Variants in ANKS1B observed in about 807,000 individuals in gnomAD.
ANKS1B encodes ankyrin repeat and sterile alpha motif domain-containing protein 1B.
A neutral mutation model predicts 148.3 loss-of-function variants in ANKS1B; 36 were observed. The ratio of observed to expected loss-of-function variants is 0.24; its 90% CI spans 0.19 to 0.32. The LOEUF is 0.32. Ranked by LOEUF, ANKS1B falls within the 10% of genes least tolerant of loss-of-function variation. The pLI is 1.00. For missense variants in ANKS1B, 1,157 were observed against 1,542.6 expected, an observed-to-expected ratio of 0.75 and a Z score of 4.19; for synonymous variants, 542 against 560.8, an observed-to-expected ratio of 0.97 and a Z score of 0.47.
chr12:99,273,014 C>A (rs59566177), intron 12 of ANKS1B, among the ~76,000 whole-genome samples: 2 of 152,142 alleles, frequency 1.3e-5, no homozygotes, highest in South Asian at 4.1e-4. Flanking sequence ...ATAGGATAAC[C>A]TCTACAGATA....
chr12:99,835,103 C>A (rs1253971962), intron 1 of ANKS1B, among the ~76,000 whole-genome samples: 11 of 151,836 alleles, frequency 7.2e-5, no homozygotes, highest in Non-Finnish European at 4.4e-5. Context: ...TCTATATCAG[C>A]ACTGTCCTTT....
At chr12:98,935,939 A>C (rs2152987889) in intron 17 of ANKS1B, among the ~76,000 whole-genome samples, 1 of 152,340 alleles carries the variant, frequency 6.6e-6, no homozygotes, top group East Asian at 1.9e-4. Context: ...ATTGTGTATA[A>C]AAAAGTTAGT....
intron 14 of ANKS1B, among the ~76,000 whole-genome samples, chr12:99,240,429 G>A (rs1384735480): frequency 3.9e-5 from 6 of 152,040 alleles, no homozygotes; most frequent in Non-Finnish European, 7.4e-5. Context: ...CTTAGAGACC[G>A]ACAAAGAGAC....
At chr12:98,803,506 G>A (rs1226323923) in intron 20 of ANKS1B, among the ~76,000 whole-genome samples, 1 of 152,198 alleles carries the variant, frequency 6.6e-6, no homozygotes, top group African/African-American at 2.4e-5. Context: ...TACAAAAGGA[G>A]GATCTGGATG....
chr12:99,680,433 C>CAA (rs199819732), intron 8 of ANKS1B, among the ~76,000 whole-genome samples: 82 of 143,552 alleles, frequency 5.7e-4, no homozygotes, highest in African/African-American at 1.6e-3. Flanking sequence ...AAGACTCTGT[C>CAA]AAAAAAAAAA....
At chr12:99,434,870 A>G (rs1371868355) in intron 11 of ANKS1B, among the ~76,000 whole-genome samples, 6 of 152,090 alleles carry the variant, frequency 3.9e-5, no homozygotes, top group Non-Finnish European at 8.8e-5. Context: ...TGTGGGAGAA[A>G]AACCCCTGAA....
chr12:99,984,128 G>A lies in ANKS1B; in HGVS notation c.110C>T (p.Pro37Leu). The change falls in exon 1 of 27, where the codon CCC (proline) becomes CTC (leucine). Residue 37 changes from proline to leucine, a missense_variant. By Grantham distance (98) the Pro-to-Leu change is moderately conservative. This residue lies in a region of ANKS1B where 164 missense variants were observed against 232.6 expected (regional missense o/e 0.71). Coordinates refer to ENST00000683438, the MANE Select transcript of ANKS1B (RefSeq NM_001352186.2). ...KGGILGGGSG[P>L]LPLSNLLSIW... ...CCTTAGCAGATTAGACAGGGGCAGGGGTCCGGATCCACCGCCCAGGATCCC... is the reference window on the plus strand; with the variant it reads ...CCTTAGCAGATTAGACAGGGGCAGGAGTCCGGATCCACCGCCCAGGATCCC... 6.2e-7 allele frequency: 1 copy of A among 1,613,662 alleles called. No homozygotes were observed. The highest frequency in any genetic ancestry group is 8.5e-7 in the Non-Finnish European group (1 of 1,179,700).
intron 17 of ANKS1B, among the ~76,000 whole-genome samples, chr12:98,929,804 G>C (rs1279574046): frequency 2.0e-5 from 3 of 151,976 alleles, no homozygotes; most frequent in Non-Finnish European, 2.9e-5. Flanking sequence ...ATGAATCATA[G>C]GCCTAAATGA....
chr12:99,201,409 T>C (rs1435868332), intron 14 of ANKS1B, among the ~76,000 whole-genome samples: 2 of 152,130 alleles, frequency 1.3e-5, no homozygotes, highest in African/African-American at 4.8e-5. Context: ...TAGGTGGATG[T>C]GTTTGAAAAT....
chr12:99,279,245 G>A (rs2078073019), intron 12 of ANKS1B, among the ~76,000 whole-genome samples: 1 of 152,110 alleles, frequency 6.6e-6, no homozygotes, highest in Admixed American at 6.6e-5. Context: ...TAATCTGAAA[G>A]CTTTCACCAA....
At chr12:99,882,917 T>C (rs1485993741) in intron 1 of ANKS1B, among the ~76,000 whole-genome samples, 1 of 152,142 alleles carries the variant, frequency 6.6e-6, no homozygotes, top group African/African-American at 2.4e-5. Flanking sequence ...CTAGCAAAAA[T>C]ACTCTTCAGG....
Position 99,803,280 on chromosome 12 carries a change from C to CCCA in ANKS1B, c.669+3123_669+3124insTGG, listed in dbSNP as rs1555620524. ...AGTAATAAAATTAAATATTCACCCC[C>CCCA]CCCCAAAAAAAAAGGCAATGAGACC... On this transcript the variant is annotated intron_variant, in intron 4 of 26. Transcript: ENST00000683438. 3.7e-5 allele frequency among the ~76,000 whole-genome samples: 5 copies of CCCA among 135,478 alleles called. 1 individual carries two copies. In the South Asian group the frequency reaches 1.0e-3, roughly 28 times the overall value. 88.9% of individuals were successfully genotyped at this position (135,478 alleles called of 152,430 possible).
chr12:99,511,665 C>T (rs1321165394), intron 9 of ANKS1B, among the ~76,000 whole-genome samples: 1 of 152,000 alleles, frequency 6.6e-6, no homozygotes, highest in Non-Finnish European at 1.5e-5. Flanking sequence ...TCAAACTATA[C>T]TCAAGGCTAT....
At chr12:99,766,225 A>C (rs1332848298) in intron 8 of ANKS1B, among the ~76,000 whole-genome samples, 1 of 152,162 alleles carries the variant, frequency 6.6e-6, no homozygotes, top group Non-Finnish European at 1.5e-5. Flanking sequence ...GCACCGTGTG[A>C]GGCAGGATGT....
chr12:99,691,187 G>A, intron 8 of ANKS1B, among the ~76,000 whole-genome samples: 1 of 152,172 alleles, frequency 6.6e-6, no homozygotes, highest in East Asian at 1.9e-4. Flanking sequence ...GAGCAGGAGG[G>A]CCCTGAGCCC....
chr12:99,451,453 A>C (rs545244237), intron 10 of ANKS1B, among the ~76,000 whole-genome samples: 68 of 152,334 alleles, frequency 4.5e-4, no homozygotes, highest in African/African-American at 1.6e-3. Flanking sequence ...GTCATGGAAG[A>C]GGCAGGAGTT....
intron 14 of ANKS1B, among the ~76,000 whole-genome samples, chr12:99,174,543 G>A (rs922868907): frequency 6.6e-6 from 1 of 151,880 alleles, no homozygotes; most frequent in Non-Finnish European, 1.5e-5. Context: ...TAAAAGTTAG[G>A]GTCTCTCTCC....
intron 17 of ANKS1B, among the ~76,000 whole-genome samples, chr12:99,014,618 A>G (rs1412523877): frequency 1.1e-4 from 16 of 152,196 alleles, no homozygotes; most frequent in Admixed American, 1.0e-3. Context: ...TGTGCAAAGT[A>G]TGCATCTGAC....
chr12:98,803,631 C>T (rs752634620), intron 20 of ANKS1B, among the ~76,000 whole-genome samples: 35 of 152,060 alleles, frequency 2.3e-4, no homozygotes, highest in Non-Finnish European at 4.6e-4. Flanking sequence ...CCAAGCTCAA[C>T]AGGTAGTTTT....
Sources: gnomAD v4.1 joint callset for allele counts (sites outside exome capture counted in the v4.1 genomes callset) on GRCh38, gnomAD v4.1.1 for gene constraint, gnomAD v4.1.1 regional missense constraint, MANE v1.5 for transcripts, NCBI Gene and HGNC (gene_info 2026-07-23, HGNC 2026-07-21) for gene names.